Variants in SH3RF3 observed in about 807,000 individuals in gnomAD.
The protein encoded by SH3RF3 is SH3 domain containing ring finger 3, also known as E3 ubiquitin-protein ligase SH3RF3.
A neutral mutation model predicts 66.3 loss-of-function variants in SH3RF3; 29 were observed. That is an observed-to-expected ratio of 0.44 (90% CI 0.33 to 0.60). The LOEUF (loss-of-function observed/expected upper bound fraction) is 0.60. SH3RF3 is among the 20% of genes least tolerant of loss of function. SH3RF3 has a pLI of 0.04. For missense variants in SH3RF3, 1,194 were observed against 1,190.9 expected (o/e 1.00, Z -0.04); for synonymous variants, 583 against 532.0 (o/e 1.10, Z -1.32).
At chr2:109,417,287 C>T (rs1055285747) in intron 4 of SH3RF3, among the ~76,000 whole-genome samples, 1 of 152,172 alleles carries the variant, frequency 6.6e-6, no homozygotes, top group African/African-American at 2.4e-5. Context: ...CCCCCACCTA[C>T]ACCTCCATGG....
At chr2:109,387,813 T>C (rs1376879862) in intron 3 of SH3RF3, among the ~76,000 whole-genome samples, 1 of 152,094 alleles carries the variant, frequency 6.6e-6, no homozygotes, top group Non-Finnish European at 1.5e-5. Flanking sequence ...CTGCAGTAGG[T>C]GCCCAATTCC....
At chr2:109,448,131 A>T (rs781289221) in intron 7 of SH3RF3, among the ~76,000 whole-genome samples, 4 of 152,224 alleles carry the variant, frequency 2.6e-5, no homozygotes, top group Non-Finnish European at 4.4e-5. Flanking sequence ...CCAGTTCGGG[A>T]TCAAGAGTAA....
chr2:109,263,030 G>C (rs894448227), intron 1 of SH3RF3, among the ~76,000 whole-genome samples: 1 of 151,894 alleles, frequency 6.6e-6, no homozygotes, highest in East Asian at 1.9e-4. Flanking sequence ...ATTTTTGGTA[G>C]AGACAGGGTT....
At chr2:109,217,698 C>T (rs1679132251) in intron 1 of SH3RF3, among the ~76,000 whole-genome samples, 1 of 152,208 alleles carries the variant, frequency 6.6e-6, no homozygotes, top group African/African-American at 2.4e-5. Flanking sequence ...TGTCCGAAGA[C>T]CTTTTTGGGG....
intron 1 of SH3RF3, among the ~76,000 whole-genome samples, chr2:109,248,479 T>C (rs775574629): frequency 6.6e-6 from 1 of 152,246 alleles, no homozygotes; most frequent in Non-Finnish European, 1.5e-5. Flanking sequence ...TCAAAGTCAT[T>C]TATGCAGGCC....
intron 8 of SH3RF3, among the ~76,000 whole-genome samples, chr2:109,476,477 A>G (rs980262223): frequency 8.5e-5 from 13 of 152,228 alleles, no homozygotes; most frequent in Non-Finnish European, 1.6e-4. Flanking sequence ...CAGTTCATAC[A>G]AGGAGGTCTA....
chr2:109,213,691 C>G (rs1679044373), intron 1 of SH3RF3, among the ~76,000 whole-genome samples: 1 of 152,250 alleles, frequency 6.6e-6, no homozygotes, highest in South Asian at 2.1e-4. Context: ...ATGGCTTCAT[C>G]TGTCACGTGT....
At position 109,437,731 on chromosome 2, in the gene SH3RF3, A is replaced by T. The variant is rs185032888; in HGVS notation, c.1828+585A>T. On this transcript the variant is annotated intron_variant, in intron 7 of 9. Transcript: ENST00000309415. ...TGGCAGCTGGAGAAACTTAAGGAAA[A>T]CCGGTTTGGCCCCAGGATGTTGTGA... is the stretch of plus-strand genomic sequence containing the variant. 6.6e-5 allele frequency among the ~76,000 whole-genome samples: 10 copies of T among 151,342 alleles called. No individual in the cohort carries two copies. The East Asian group carries it at 2.0e-3, about 30-fold the overall frequency.
chr2:109,264,591 T>A (rs1348736378), intron 1 of SH3RF3, among the ~76,000 whole-genome samples: 3 of 152,242 alleles, frequency 2.0e-5, no homozygotes, highest in African/African-American at 7.2e-5. Context: ...TAAAACCATG[T>A]GCATGAGCTG....
At chr2:109,336,099 G>C (rs1252725994) in intron 1 of SH3RF3, among the ~76,000 whole-genome samples, 3 of 152,136 alleles carry the variant, frequency 2.0e-5, no homozygotes, top group Admixed American at 6.5e-5. Flanking sequence ...GGCCTAGTAA[G>C]CTCTTTAATA....
chr2:109,249,581 TTCCTTTC>T (rs1558981693), intron 1 of SH3RF3, among the ~76,000 whole-genome samples: 29 of 112,620 alleles, frequency 2.6e-4, no homozygotes, highest in Non-Finnish European at 4.6e-4. Context: ...CCTTCCTTCC[TTCCTTTC>T]CTTTCTTTCT....
At chr2:109,395,502 G>A (rs1052760536) in intron 3 of SH3RF3, among the ~76,000 whole-genome samples, 3 of 152,138 alleles carry the variant, frequency 2.0e-5, no homozygotes, top group African/African-American at 7.2e-5. Context: ...TCTTCTTTGA[G>A]GCAGGAGCTC....
chr2:109,448,135 A>G (rs572498795), intron 7 of SH3RF3, among the ~76,000 whole-genome samples: 8 of 152,198 alleles, frequency 5.3e-5, no homozygotes, highest in Non-Finnish European at 5.9e-5. Flanking sequence ...TTCGGGATCA[A>G]GAGTAACTAG....
chr2:109,343,153 G>A (rs1307586676), intron 1 of SH3RF3, among the ~76,000 whole-genome samples: 2 of 152,104 alleles, frequency 1.3e-5, no homozygotes, highest in East Asian at 3.9e-4. Context: ...GGTTGCTGCC[G>A]TGAAATCAGC....
At chr2:109,342,504 A>C (rs1362669004) in intron 1 of SH3RF3, among the ~76,000 whole-genome samples, 1 of 152,214 alleles carries the variant, frequency 6.6e-6, no homozygotes, top group Non-Finnish European at 1.5e-5. Context: ...AGCCGTGACA[A>C]GTGCTCTCCT....
chr2:109,487,516 T>A (rs753105641), intron 8 of SH3RF3, among the ~76,000 whole-genome samples: 14 of 152,232 alleles, frequency 9.2e-5, no homozygotes, highest in Non-Finnish European at 1.0e-4. Flanking sequence ...CATCAGCGTT[T>A]TTCCAAGTTA....
rs898658377 is a variant in SH3RF3 at position 109,502,966 on chromosome 2, G to A, written c.*1295G>A. 1 of 152,216 alleles carries A rather than the reference G, an allele frequency of 6.6e-6. No homozygotes were observed. Among genetic ancestry groups the A allele is most frequent in the South Asian group, 2.1e-4 (1 of 4,832 alleles). 9.4% of individuals were successfully genotyped at this position (152,216 alleles called of 1,614,324 possible). ...GAGACCAGAGGTACAAGGAGATCAG[G>A]GGGTTGCAGCACCGCTGCAGGCTTG... On this transcript the variant is annotated 3_prime_UTR_variant, in exon 10 of 10. Transcript: ENST00000309415.
At chr2:109,345,233 G>C (rs144631334) in intron 1 of SH3RF3, among the ~76,000 whole-genome samples, 100 of 152,250 alleles carry the variant, frequency 6.6e-4, no homozygotes, top group African/African-American at 2.0e-3. Context: ...ATGTGGGTGT[G>C]AGTGGTGTCT....
chr2:109,466,072 CTTTT>C (rs1171998206), intron 8 of SH3RF3, among the ~76,000 whole-genome samples: 1 of 82,334 alleles, frequency 1.2e-5, no homozygotes. Context: ...ACCTGTACAT[CTTTT>C]TTTTTTTTTT....
Sources: allele counts gnomAD v4.1 joint callset (sites outside exome capture counted in the v4.1 genomes callset), GRCh38; gene constraint gnomAD v4.1.1; transcripts MANE v1.5; gene names NCBI Gene and HGNC (gene_info 2026-07-23, HGNC 2026-07-21).